Variants in DLGAP5 observed in about 807,000 individuals in gnomAD.
The protein encoded by DLGAP5 is disks large-associated protein 5.
A neutral mutation model predicts 99.6 loss-of-function variants in DLGAP5; 90 were observed. That is an observed-to-expected ratio of 0.90 (90% CI 0.76 to 1.08). The LOEUF is 1.08. DLGAP5 is among the 50% of genes least tolerant of loss of function. The pLI, the probability that DLGAP5 is intolerant of heterozygous loss-of-function variation, is 0.00. For missense variants in DLGAP5, 1,036 were observed against 983.5 expected, an observed-to-expected ratio of 1.05 and a Z score of -0.71; for synonymous variants, 311 against 321.3, an observed-to-expected ratio of 0.97 and a Z score of 0.34.
intron 13 of DLGAP5, among the ~76,000 whole-genome samples, chr14:55,161,665 C>A (rs979812838): frequency 6.6e-6 from 1 of 150,908 alleles, no homozygotes; most frequent in African/African-American, 2.4e-5. Context: ...CCGCCTCAGC[C>A]GCCCAAAGTG....
chr14:55,169,342 TAAAA>T (rs61278586), intron 12 of DLGAP5, 53 bp downstream of exon 12: 17,869 of 866,112 alleles, frequency 0.021, 2 homozygotes, highest in South Asian at 0.04. Context: ...TCCTGCTACT[TAAAA>T]AAAAAAAAAA....
intron 14 of DLGAP5, among the ~76,000 whole-genome samples, chr14:55,156,610 A>G (rs1165409347): frequency 6.6e-6 from 1 of 152,174 alleles, no homozygotes; most frequent in Non-Finnish European, 1.5e-5. Flanking sequence ...CCATGTGCAG[A>G]GAGTTTCCAG....
chr14:55,160,974 C>T (rs1448834899), intron 13 of DLGAP5, among the ~76,000 whole-genome samples: 1 of 93,798 alleles, frequency 1.1e-5, no homozygotes, highest in African/African-American at 1.1e-4. Context: ...GCAGACACCA[C>T]AGGTTTGTTT....
At position 55,181,114 on chromosome 14, in the gene DLGAP5, C is replaced by A. The variant is rs1883257252; in HGVS notation, c.580+99G>T. 6 of 1,188,514 alleles carry A rather than the reference C, an allele frequency of 5.0e-6. No homozygotes were observed. In the South Asian group the frequency reaches 8.6e-5, roughly 17 times the overall value. 73.6% of individuals were successfully genotyped at this position (1,188,514 alleles called of 1,614,324 possible). On this transcript the variant is annotated intron_variant, in intron 5 of 18. Transcript: ENST00000247191. ...TGGGCAACAGAGCAAGACTCTGTCACAAACAAACGAACAAATTCCAGTTGA... is the reference window on the plus strand; with the variant it reads ...TGGGCAACAGAGCAAGACTCTGTCAAAAACAAACGAACAAATTCCAGTTGA...
intron 1 of DLGAP5, among the ~76,000 whole-genome samples, chr14:55,189,892 A>G (rs1883552998): frequency 6.6e-6 from 1 of 152,022 alleles, no homozygotes; most frequent in Non-Finnish European, 1.5e-5. Context: ...CCCTCCCCAG[A>G]GGTTGTGAGG....
chr14:55,185,768 G>A (rs1478251354), intron 2 of DLGAP5, among the ~76,000 whole-genome samples: 1 of 152,180 alleles, frequency 6.6e-6, no homozygotes, highest in East Asian at 1.9e-4. Context: ...ACAGGTGTGA[G>A]CCACCAAGCC....
At chr14:55,185,235 T>C (rs1594684961) in intron 2 of DLGAP5, among the ~76,000 whole-genome samples, 1 of 152,244 alleles carries the variant, frequency 6.6e-6, no homozygotes, top group Admixed American at 6.5e-5. Flanking sequence ...AGTCTCGCAC[T>C]GTCGCCTTGG....
At chr14:55,180,410 T>G (rs191539990) in intron 6 of DLGAP5, among the ~76,000 whole-genome samples, 3 of 152,316 alleles carry the variant, frequency 2.0e-5, no homozygotes, top group East Asian at 3.9e-4. Flanking sequence ...ATAAATGAAC[T>G]GTGATTTACT....
chr14:55,180,632 C>A, intron 6 of DLGAP5, 24 bp downstream of exon 6: 1 of 1,613,472 alleles, frequency 6.2e-7, no homozygotes, highest in South Asian at 1.1e-5. Flanking sequence ...CTAGTTCAGT[C>A]ACTGATCAAG....
intron 10 of DLGAP5, among the ~76,000 whole-genome samples, chr14:55,173,587 G>GTCTCTCTC (rs10658555): frequency 4.1e-4 from 61 of 148,008 alleles, no homozygotes; most frequent in Non-Finnish European, 6.1e-4. Flanking sequence ...GATATATGTT[G>GTCTCTCTC]TCTCTCTCTC....
In DLGAP5 at chr14:55,158,137, C is replaced by T. The variant is rs1156772274; in HGVS notation, c.1873+385G>A. Among the ~76,000 whole-genome samples the T allele has an allele frequency of 3.9e-5, 6 of 152,198 alleles. No individual in the cohort carries two copies. In the East Asian group the frequency reaches 1.2e-3, roughly 29 times the overall value. ...TCAAGTTTCCTTTGCATTATAAATT[C>T]TAACCAAACTTCTAACTGACCTGAA... On this transcript the variant is annotated intron_variant, in intron 14 of 18. Coordinates refer to ENST00000247191, the MANE Select transcript of DLGAP5 (RefSeq NM_014750.5).
chr14:55,172,981 C>CAAAAAAA (rs71291818), intron 10 of DLGAP5, among the ~76,000 whole-genome samples: 11 of 62,078 alleles, frequency 1.8e-4, no homozygotes, highest in African/African-American at 3.6e-4. Context: ...GACTCCGTCT[C>CAAAAAAA]AAAAAAAAAA....
At chr14:55,164,660 C>T (rs1882572529) in intron 12 of DLGAP5, among the ~76,000 whole-genome samples, 1 of 151,734 alleles carries the variant, frequency 6.6e-6, no homozygotes, top group Non-Finnish European at 1.5e-5. Flanking sequence ...AGTGGCACAC[C>T]CCTGTAATCC....
chr14:55,154,905 C>T, intron 14 of DLGAP5, 99 bp from the exon 15 acceptor site: 1 of 1,040,996 alleles, frequency 9.6e-7, no homozygotes, highest in Non-Finnish European at 1.4e-6. Flanking sequence ...CCTCTTTCTC[C>T]TGTCAAATAA....
At position 55,152,679 on chromosome 14, in the gene DLGAP5, T is replaced by C. The variant is rs546551470; in HGVS notation, c.2064-32A>G. Reference sequence around the variant, plus strand: ...AAGAAAAAAAGCAGCATTACACTCATAAACATATTGTTATTGTTTCACTTG... The same window carrying C: ...AAGAAAAAAAGCAGCATTACACTCACAAACATATTGTTATTGTTTCACTTG... On this transcript the variant is annotated intron_variant, in intron 15 of 18. Transcript: ENST00000247191. The C allele has an allele frequency of 6.9e-5, 106 of 1,540,662 alleles. No homozygotes were observed. In the South Asian group the frequency reaches 1.3e-3, roughly 19 times the overall value.
chr14:55,177,078 G>C lies in DLGAP5; in HGVS notation c.1033C>G (p.Pro345Ala), dbSNP rs370408030. 3 of 1,460,386 alleles carry C rather than the reference G, an allele frequency of 2.1e-6. No homozygotes were observed. The highest frequency in any genetic ancestry group is 2.7e-6 in the Non-Finnish European group (3 of 1,108,304). The allele number at this position is 1,460,386 out of a possible 1,614,324, so 90.5% of individuals were successfully genotyped here. A position where few individuals can be genotyped will look rare whatever the true frequency, so the allele number is the denominator to read the frequency against. ...TATTCTTACACTTCTGTTTTTAAAG[G>C]AGTCCAGGTGTAACTGGGTGTCAAA... is the stretch of plus-strand genomic sequence containing the variant. ...AFLTPSYTWT[P>A]LKTEVDESQA... Residue 345 changes from proline to alanine, a missense_variant, in exon 8 of 19, where the codon CCT becomes GCT. Pro to Ala is a conservative substitution (Grantham distance 27). Coordinates refer to ENST00000247191, the MANE Select transcript of DLGAP5 (RefSeq NM_014750.5).
At position 55,168,034 on chromosome 14, in the gene DLGAP5, AT is replaced by A. The variant is rs1179225782; in HGVS notation, c.1548+1364del. On this transcript the variant is annotated intron_variant, in intron 12 of 18. Transcript: ENST00000247191. ...TCTGGAATTCCTATAATTTGGCTATATTTCCTGGACTGGTCCATGTAATTTT... is the reference window on the plus strand; with the variant it reads ...TCTGGAATTCCTATAATTTGGCTATATTCCTGGACTGGTCCATGTAATTTT... 4.0e-5 allele frequency among the ~76,000 whole-genome samples: 6 copies of A among 151,894 alleles called. No homozygotes were observed. The East Asian group carries it at 1.2e-3, about 29-fold the overall frequency.
At chr14:55,174,553 G>A (rs535086802) in intron 10 of DLGAP5, among the ~76,000 whole-genome samples, 37 of 152,208 alleles carry the variant, frequency 2.4e-4, no homozygotes, top group Non-Finnish European at 4.9e-4. Flanking sequence ...ACCGACATGT[G>A]ATGTCTCCCC....
intron 7 of DLGAP5, among the ~76,000 whole-genome samples, chr14:55,178,176 C>G (rs1185138714): frequency 6.6e-6 from 1 of 151,744 alleles, no homozygotes; most frequent in Non-Finnish European, 1.5e-5. Context: ...GGTGAGAAAC[C>G]GGGAGGTGGA....
Sources: gnomAD v4.1 joint callset for allele counts (sites outside exome capture counted in the v4.1 genomes callset) on GRCh38, gnomAD v4.1.1 for gene constraint, MANE v1.5 for transcripts, NCBI Gene and HGNC (gene_info 2026-07-23, HGNC 2026-07-21) for gene names.